The following PLPPR4 variants were observed in gnomAD, a reference collection of about 807,000 sequenced individuals.
The protein encoded by PLPPR4 is phospholipid phosphatase related 4, also known as phospholipid phosphatase-related protein type 4.
A neutral mutation model predicts 56.6 loss-of-function variants in PLPPR4; 24 were observed. That is an observed-to-expected ratio of 0.42 (90% CI 0.31 to 0.60). The LOEUF (loss-of-function observed/expected upper bound fraction) is 0.60, where lower values mean the gene tolerates loss of function less well. Among genes scored for constraint, PLPPR4 ranks in the 20% least tolerant of loss-of-function variants. PLPPR4 has a pLI of 0.13. For synonymous variants in PLPPR4, 326 were observed against 328.1 expected (o/e 0.99, Z 0.07); for missense variants, 654 against 885.8 (o/e 0.74, Z 3.32).
chr1:99,268,670 T>C (rs1195727436), intron 1 of PLPPR4, among the ~76,000 whole-genome samples: 2 of 152,222 alleles, frequency 1.3e-5, no homozygotes, highest in Admixed American at 1.3e-4. Context: ...CACCTCATTT[T>C]ATGAGCAAGT....
In PLPPR4 at chr1:99,307,434, G is replaced by C. The variant is rs1312188138; in HGVS notation, c.*424G>C. The C allele has an allele frequency of 5.8e-6, 1 of 173,808 alleles. No homozygotes were observed. The highest frequency in any genetic ancestry group is 2.4e-5 in the African/African-American group (1 of 41,826). The allele number at this position is 173,808 out of a possible 1,614,324, so 10.8% of individuals were successfully genotyped here. A position where few individuals can be genotyped will look rare whatever the true frequency, so the allele number is the denominator to read the frequency against. ...TGCAGTATTATATATTCATTTTGCA[G>C]AATCTGCACCTACAGCTCAATACGG... is the stretch of plus-strand genomic sequence containing the variant. On this transcript the variant is annotated 3_prime_UTR_variant, in exon 7 of 7. Coordinates refer to ENST00000370185, the MANE Select transcript of PLPPR4 (RefSeq NM_014839.5).
rs1382439656 is a variant in PLPPR4 at position 99,279,212 on chromosome 1, A to T, written c.79-8753A>T. ...GCTGAATAAGAGAGAATGTAAAGGAACAACTGCCATCCCATATGACAATTG... is the reference window on the plus strand; with the variant it reads ...GCTGAATAAGAGAGAATGTAAAGGATCAACTGCCATCCCATATGACAATTG... On this transcript the variant is annotated intron_variant, in intron 1 of 6. Coordinates refer to ENST00000370185, the MANE Select transcript of PLPPR4 (RefSeq NM_014839.5). Among the ~76,000 whole-genome samples, 9 of 152,282 alleles carry T rather than the reference A, an allele frequency of 5.9e-5. No homozygotes were observed. The East Asian group carries it at 1.7e-3, about 29-fold the overall frequency.
intron 6 of PLPPR4, among the ~76,000 whole-genome samples, chr1:99,304,099 A>G (rs1659953382): frequency 6.6e-6 from 1 of 152,228 alleles, no homozygotes; most frequent in Non-Finnish European, 1.5e-5. Context: ...CCATGTCATA[A>G]CAAGAATTAA....
intron 1 of PLPPR4, among the ~76,000 whole-genome samples, chr1:99,268,472 A>G (rs962230862): frequency 6.6e-6 from 1 of 152,254 alleles, no homozygotes; most frequent in Non-Finnish European, 1.5e-5. Context: ...ACTAAAACCA[A>G]GTAATCTTGT....
intron 1 of PLPPR4, among the ~76,000 whole-genome samples, chr1:99,265,875 A>AT (rs1003869795): frequency 1.3e-5 from 2 of 152,188 alleles, no homozygotes; most frequent in African/African-American, 4.8e-5. Flanking sequence ...AGTGTCATAG[A>AT]TTTTTTAAAT....
At chr1:99,280,106 TC>T (rs1659284374) in intron 1 of PLPPR4, among the ~76,000 whole-genome samples, 2 of 151,982 alleles carry the variant, frequency 1.3e-5, no homozygotes, top group African/African-American at 2.4e-5. Flanking sequence ...GGACCCCCTC[TC>T]CCCACATGGG....
At chr1:99,280,259 G>A (rs1659288265) in intron 1 of PLPPR4, among the ~76,000 whole-genome samples, 1 of 152,142 alleles carries the variant, frequency 6.6e-6, no homozygotes, top group Non-Finnish European at 1.5e-5. Flanking sequence ...TGTGGCTGTT[G>A]CACAATTTAT....
At position 99,296,795 on chromosome 1, in the gene PLPPR4, G is replaced by T; in HGVS notation, c.322G>T (p.Gly108Ter). 6.2e-7 allele frequency: 1 copy of T among 1,604,948 alleles called. No homozygotes were observed. The highest frequency in any genetic ancestry group is 8.5e-7 in the Non-Finnish European group (1 of 1,173,738). ...CCLSKRRNGV[G>*]LEPNINAGGC... ...CCTCTCCAAAAGAAGAAATGGGGTC[G>T]GACTAGAGCCCAACATTAATGCTGG... Residue 108 changes from glycine to a stop codon, truncating the protein, a stop_gained, in exon 3 of 7, where the codon GGA becomes TGA. Coordinates refer to ENST00000370185, the MANE Select transcript of PLPPR4 (RefSeq NM_014839.5). LOFTEE classifies it high-confidence loss of function.
intron 1 of PLPPR4, among the ~76,000 whole-genome samples, chr1:99,267,061 C>T (rs1001599634): frequency 9.2e-5 from 14 of 152,350 alleles, no homozygotes; most frequent in African/African-American, 3.4e-4. Context: ...CATCACATAT[C>T]AGTCTAAAGC....
In PLPPR4 at chr1:99,299,235, GA is replaced by G. The variant is rs775718770; in HGVS notation, c.590+8del. On this transcript the variant is annotated splice_donor_region_variant and intron_variant, in intron 4 of 6. Transcript: ENST00000370185. Reference sequence around the variant, plus strand: ...CACAGTTATCAACAGTGGCAGGTTAGAAACAGATCTAAAAACACTCTGCATC... The same window carrying G: ...CACAGTTATCAACAGTGGCAGGTTAGAACAGATCTAAAAACACTCTGCATC... 15 of 1,607,748 alleles carry G rather than the reference GA, an allele frequency of 9.3e-6. No homozygotes were observed. Among genetic ancestry groups the G allele is most frequent in the Middle Eastern group, 1.6e-4 (1 of 6,072 alleles).
chr1:99,266,856 C>T (rs1344258932), intron 1 of PLPPR4, among the ~76,000 whole-genome samples: 1 of 152,234 alleles, frequency 6.6e-6, no homozygotes, highest in African/African-American at 2.4e-5. Context: ...TGCACTATCA[C>T]GCTCCTTTGA....
rs189864522 is a variant in PLPPR4, at chr1:99,299,154, G to A, written c.514G>A (p.Val172Ile). The change falls in exon 4 of 7, where the codon GTA becomes ATA. Residue 172 changes from valine to isoleucine, a missense_variant. By Grantham distance (29) the Val-to-Ile change is conservative. Coordinates refer to ENST00000370185, the MANE Select transcript of PLPPR4 (RefSeq NM_014839.5). ...CAAACCAAACTATACCTCTCTGAAT[G>A]TATCTTGCAAAGAAAATTCCTACAT... The part of the protein sequence containing the change: ...VCKPNYTSLN[V>I]SCKENSYIVE... 1.1e-5 allele frequency: 17 copies of A among 1,613,242 alleles called. No individual in the cohort carries two copies. In the Admixed American group the frequency reaches 2.2e-4, roughly 21 times the overall value.
chr1:99,292,906 G>A (rs747382008), intron 2 of PLPPR4, among the ~76,000 whole-genome samples: 61 of 151,824 alleles, frequency 4.0e-4, no homozygotes, highest in Non-Finnish European at 7.2e-4. Flanking sequence ...TACATATACA[G>A]CTATGCTAAC....
At chr1:99,296,970 A>G (rs1557781342) in intron 3 of PLPPR4, 103 bp downstream of exon 3, 1 of 1,160,972 alleles carries the variant, frequency 8.6e-7, no homozygotes, top group Non-Finnish European at 1.1e-6. Flanking sequence ...ATTTAGATGT[A>G]TAATTTCAGT....
intron 5 of PLPPR4, 61 bp downstream of exon 5, chr1:99,301,027 T>A: frequency 2.1e-6 from 3 of 1,414,628 alleles, no homozygotes; most frequent in Non-Finnish European, 3.0e-6. Flanking sequence ...GAATGAATGT[T>A]GTCTCCAGGT....
chr1:99,264,299 T>G, upstream of PLPPR4: 5 of 647,688 alleles, frequency 7.7e-6, no homozygotes, highest in South Asian at 1.1e-4. Context: ...GGGGAAGCCA[T>G]TGCAGCAACA....
intron 1 of PLPPR4, among the ~76,000 whole-genome samples, chr1:99,272,961 G>GA (rs960616909): frequency 1.1e-4 from 17 of 150,012 alleles, no homozygotes; most frequent in African/African-American, 3.4e-4. Context: ...TTGGTCAGAA[G>GA]AAAAAAAAAG....
chr1:99,302,164 T>C (rs1159143460), intron 6 of PLPPR4, among the ~76,000 whole-genome samples: 1 of 152,086 alleles, frequency 6.6e-6, no homozygotes, highest in African/African-American at 2.4e-5. Flanking sequence ...GGGACTACTA[T>C]TACTACTATA....
chr1:99,309,427 A>G lies in PLPPR4; in HGVS notation c.*2417A>G, dbSNP rs1053896413. 6.6e-6 allele frequency: 1 copy of G among 152,462 alleles called. No individual in the cohort carries two copies. Among genetic ancestry groups the G allele is most frequent in the Middle Eastern group, 3.4e-3 (1 of 290 alleles). The allele number at this position is 152,462 out of a possible 1,614,324, so 9.4% of individuals were successfully genotyped here. A position where few individuals can be genotyped will look rare whatever the true frequency, so the allele number is the denominator to read the frequency against. ...AATTATGAAAATATATATAGTATAT[A>G]TAAAGTACTGTGTTTAAAAAAATGT... On this transcript the variant is annotated 3_prime_UTR_variant, in exon 7 of 7. Coordinates refer to ENST00000370185, the MANE Select transcript of PLPPR4 (RefSeq NM_014839.5).
Sources: allele counts gnomAD v4.1 joint callset (sites outside exome capture counted in the v4.1 genomes callset), GRCh38; gene constraint gnomAD v4.1.1; transcripts MANE v1.5; gene names NCBI Gene and HGNC (gene_info 2026-07-23, HGNC 2026-07-21).